The following ADGRB1 variants were observed in gnomAD, a reference collection of about 807,000 sequenced individuals.
ADGRB1 encodes brain-specific angiogenesis inhibitor 1.
ADGRB1 carries 36 observed loss-of-function variants against 175.7 expected under a neutral mutation model. The observed-to-expected ratio is 0.20, with a 90% CI of 0.16 to 0.27. The LOEUF (loss-of-function observed/expected upper bound fraction) is 0.27. Ranked by LOEUF, ADGRB1 falls within the 10% of genes least tolerant of loss-of-function variation. ADGRB1 has a pLI of 1.00. For synonymous variants in ADGRB1, 1,054 were observed against 979.4 expected (o/e 1.08, Z -1.42); for missense variants, 1,731 against 2,255.3 (o/e 0.77, Z 4.71).
At chr8:142,509,565 C>T (rs372252709) in intron 17 of ADGRB1, among the ~76,000 whole-genome samples, 1 of 152,162 alleles carries the variant, frequency 6.6e-6, no homozygotes, top group Admixed American at 6.5e-5. Context: ...CAGTGGGGAC[C>T]GGATGGAAGA....
In ADGRB1 at chr8:142,455,281, C is replaced by T. The variant is rs570436065; in HGVS notation, c.-220+5177C>T. Among the ~76,000 whole-genome samples the T allele has an allele frequency of 3.0e-4, 45 of 152,092 alleles. No individual in the cohort carries two copies. The highest frequency in any genetic ancestry group is 5.2e-4 in the Admixed American group (8 of 15,276). On this transcript the variant is annotated intron_variant, in intron 1 of 30. Transcript: ENST00000517894. This position sits in a 1 kb window ranked among gnomAD's most constrained non-coding sequence, Gnocchi z 4.9. ...CTCAGCAGCACCTGGACACCCCTCA[C>T]AGCCACCTCCCTCAGCATGATCGCT... is the stretch of plus-strand genomic sequence containing the variant.
intron 17 of ADGRB1, among the ~76,000 whole-genome samples, chr8:142,500,133 G>A (rs1842418386): frequency 6.6e-6 from 1 of 151,974 alleles, no homozygotes; most frequent in African/African-American, 2.4e-5. Context: ...CAGTCCCATG[G>A]CTGCCGTCCG....
intron 11 of ADGRB1, among the ~76,000 whole-genome samples, chr8:142,482,041 G>GACTGAGCCCTGACCCTGGTCACAT (rs1841368601): frequency 7.5e-6 from 1 of 133,488 alleles, no homozygotes; most frequent in Non-Finnish European, 1.6e-5. Context: ...CCTGATCATA[G>GACTGAGCCCTGACCCTGGTCACAT]GCTGAGCCCT....
intron 1 of ADGRB1, among the ~76,000 whole-genome samples, chr8:142,461,786 G>A (rs893236778): frequency 5.3e-5 from 8 of 152,176 alleles, no homozygotes; most frequent in African/African-American, 1.9e-4. Context: ...GGATTGCCTG[G>A]GGCCTCCTTT....
intron 14 of ADGRB1, 23 bp downstream of exon 14, chr8:142,488,530 G>A (rs541824699): frequency 1.2e-6 from 2 of 1,607,582 alleles, no homozygotes; most frequent in South Asian, 1.1e-5. Context: ...GGGAGTGGAG[G>A]GGGACCTTCA....
Position 142,524,452 on chromosome 8 carries a change from G to T in ADGRB1, c.3312+148G>T, listed in dbSNP as rs572719163. The T allele has an allele frequency of 5.0e-5, 47 of 931,806 alleles. No homozygotes were observed. The African/African-American group carries it at 6.3e-4, about 12-fold the overall frequency. 57.7% of individuals were successfully genotyped at this position (931,806 alleles called of 1,614,324 possible). ...TGGCCCTCATCACCAGGGGGTGGGGGTGCCCACAGCCCCACTCTGACCTGC... is the reference window on the plus strand; with the variant it reads ...TGGCCCTCATCACCAGGGGGTGGGGTTGCCCACAGCCCCACTCTGACCTGC... On this transcript the variant is annotated intron_variant, in intron 23 of 30. Coordinates refer to ENST00000517894, the MANE Select transcript of ADGRB1 (RefSeq NM_001702.3).
intron 24 of ADGRB1, among the ~76,000 whole-genome samples, chr8:142,529,519 T>C (rs948928213): frequency 1.2e-4 from 19 of 152,148 alleles, no homozygotes; most frequent in African/African-American, 4.6e-4. Flanking sequence ...TGTACATGTG[T>C]AAGAGTGTGC....
chr8:142,516,793 G>A (rs750867165), intron 18 of ADGRB1, among the ~76,000 whole-genome samples: 2 of 152,114 alleles, frequency 1.3e-5, no homozygotes, highest in Non-Finnish European at 2.9e-5. Context: ...ACCACCCCGA[G>A]GACAAGTCAG....
At position 142,541,899 on chromosome 8, in the gene ADGRB1, C is replaced by A. The variant is rs930440470; in HGVS notation, c.3707-42C>A. On this transcript the variant is annotated intron_variant, in intron 27 of 30. Coordinates refer to ENST00000517894, the MANE Select transcript of ADGRB1 (RefSeq NM_001702.3). ...TGGGGACTGTCCTACGCCATCCTCA[C>A]CCCCACACCTGTCCCCGCTGTCTCC... 4 of 1,504,634 alleles carry A rather than the reference C, an allele frequency of 2.7e-6. No homozygotes were observed. In the South Asian group the frequency reaches 5.1e-5, roughly 19 times the overall value. The allele number at this position is 1,504,634 out of a possible 1,614,324, so 93.2% of individuals were successfully genotyped here.
At position 142,537,376 on chromosome 8, in the gene ADGRB1, C is replaced by T. The variant is rs2132256312; in HGVS notation, c.3666+294C>T. Among the ~76,000 whole-genome samples, 1 of 152,204 alleles carries T rather than the reference C, an allele frequency of 6.6e-6. No individual in the cohort carries two copies. The highest frequency in any genetic ancestry group is 2.4e-5 in the African/African-American group (1 of 41,506). On this transcript the variant is annotated intron_variant, in intron 26 of 30. Coordinates refer to ENST00000517894, the MANE Select transcript of ADGRB1 (RefSeq NM_001702.3). This position sits in a 1 kb window ranked among gnomAD's most constrained non-coding sequence, Gnocchi z 4.6. ...TGCCCGTCTGGCTGGACACCACCCT[C>T]TGAGCATCCCAGCCCTCAACTCAAG...
Position 142,543,253 on chromosome 8 carries a change from G to A in ADGRB1, c.4414-150G>A. 9.7e-7 allele frequency: 1 copy of A among 1,035,098 alleles called. No homozygotes were observed. Among genetic ancestry groups the A allele is most frequent in the Non-Finnish European group, 1.4e-6 (1 of 700,652 alleles). 64.1% of individuals were successfully genotyped at this position (1,035,098 alleles called of 1,614,324 possible). ...GCATAGCTGGAGGAGCTGCCTCAGT[G>A]CGCCCCCAGGCATGTCCCCTGGGTC... is the stretch of plus-strand genomic sequence containing the variant. On this transcript the variant is annotated intron_variant, in intron 28 of 30. Coordinates refer to ENST00000517894, the MANE Select transcript of ADGRB1 (RefSeq NM_001702.3). This position sits in a 1 kb window ranked among gnomAD's most constrained non-coding sequence, Gnocchi z 4.4.
chr8:142,469,019 AG>A (rs1186219780), intron 2 of ADGRB1, among the ~76,000 whole-genome samples: 1 of 152,264 alleles, frequency 6.6e-6, no homozygotes, highest in Non-Finnish European at 1.5e-5. Context: ...ATGTTAAGGC[AG>A]CAGCCAGGGC....
intron 1 of ADGRB1, among the ~76,000 whole-genome samples, chr8:142,458,005 T>TC (rs1209764616): frequency 7.0e-6 from 1 of 143,666 alleles, no homozygotes; most frequent in Non-Finnish European, 1.5e-5. Context: ...ACCCCGCCCC[T>TC]CCCCCCGTGC....
chr8:142,542,190 T>C lies in ADGRB1; in HGVS notation c.3956T>C (p.Phe1319Ser). Residue 1319 changes from phenylalanine (F) to serine (S), a missense_variant, in exon 28 of 31, where the codon TTC becomes TCC. Physicochemically the swap from Phe to Ser is radical, Grantham distance 155 (BLOSUM62 -2). This residue lies in a region of ADGRB1 where 394 missense variants were observed against 410.2 expected (regional missense o/e 0.96). Transcript: ENST00000517894. This position sits in a 1 kb window ranked among gnomAD's most constrained non-coding sequence, Gnocchi z 6.3. ...AGGGACAAGGCGCCCAAGTCCTCCT[T>C]CGTCGGTGACGGGGACATCTTCAAG... ...LKRDKAPKSS[F>S]VGDGDIFKKL... is the part of the protein sequence containing the mutation. The C allele has an allele frequency of 6.2e-7, 1 of 1,613,530 alleles. No homozygotes were observed. The highest frequency in any genetic ancestry group is 8.5e-7 in the Non-Finnish European group (1 of 1,179,784).
intron 18 of ADGRB1, 109 bp from the exon 19 acceptor site, chr8:142,518,029 C>T (rs894844213): frequency 4.2e-5 from 43 of 1,027,328 alleles, no homozygotes; most frequent in African/African-American, 2.2e-4. Context: ...CTGGGCCAAA[C>T]GCTGGGGGTG....
intron 1 of ADGRB1, among the ~76,000 whole-genome samples, chr8:142,454,033 G>C (rs887714109): frequency 3.3e-5 from 5 of 152,200 alleles, no homozygotes; most frequent in African/African-American, 1.2e-4. Flanking sequence ...GAAGGTCTTG[G>C]CCCATGTTCT....
chr8:142,491,097 C>G (rs922116534), intron 17 of ADGRB1, among the ~76,000 whole-genome samples: 1 of 152,222 alleles, frequency 6.6e-6, no homozygotes, highest in Admixed American at 6.5e-5. Context: ...GGCCTGCCAC[C>G]TGCCCCCAGC....
chr8:142,541,300 G>A (rs1587450508), intron 27 of ADGRB1, among the ~76,000 whole-genome samples: 2 of 152,164 alleles, frequency 1.3e-5, no homozygotes, highest in African/African-American at 4.8e-5. Flanking sequence ...GCCCCACTCA[G>A]AGGTCAAGGC....
chr8:142,461,762 G>T (rs926208563), intron 1 of ADGRB1, among the ~76,000 whole-genome samples: 12 of 152,186 alleles, frequency 7.9e-5, no homozygotes, highest in Admixed American at 7.2e-4. Context: ...ACCAACTCGG[G>T]GTCAGGGCTA....
Sources: allele counts gnomAD v4.1 joint callset (sites outside exome capture counted in the v4.1 genomes callset), GRCh38; gene constraint gnomAD v4.1.1; regional missense constraint gnomAD v4.1.1; non-coding constraint Gnocchi (gnomAD v3.1); transcripts MANE v1.5; gene names NCBI Gene and HGNC (gene_info 2026-07-23, HGNC 2026-07-21).